The following TRIO variants were observed in gnomAD, a reference collection of about 807,000 sequenced individuals.
The protein encoded by TRIO is trio Rho guanine nucleotide exchange factor, also known as triple functional domain protein.
TRIO carries 58 observed loss-of-function variants against 351.9 expected under a neutral mutation model. The observed-to-expected ratio is 0.16, with a 90% CI of 0.13 to 0.21. TRIO has a LOEUF of 0.21. Among genes scored for constraint, TRIO ranks in the 10% least tolerant of loss-of-function variants. The pLI, the probability that TRIO is intolerant of heterozygous loss-of-function variation, is 1.00. For missense variants in TRIO, 3,201 were observed against 4,027.8 expected (o/e 0.79, Z 5.56); for synonymous variants, 1,758 against 1,595.7 (o/e 1.10, Z -2.42).
In TRIO at chr5:14,258,852, A is replaced by G. The variant is rs1188735723; in HGVS notation, c.158-11973A>G. On this transcript the variant is annotated intron_variant, in intron 1 of 56. Transcript: ENST00000344204. ...GCTTCTGTGGGAACTTTTTGTGATCACTGGATTAGCTGTGCCGTGTCATTT... is the reference window on the plus strand; with the variant it reads ...GCTTCTGTGGGAACTTTTTGTGATCGCTGGATTAGCTGTGCCGTGTCATTT... Among the ~76,000 whole-genome samples the G allele has an allele frequency of 3.9e-5, 6 of 152,162 alleles. No individual in the cohort carries two copies. The South Asian group carries it at 1.0e-3, about 26-fold the overall frequency.
chr5:14,218,700 G>C (rs906441168), intron 1 of TRIO, among the ~76,000 whole-genome samples: 1 of 152,240 alleles, frequency 6.6e-6, no homozygotes, highest in African/African-American at 2.4e-5. Flanking sequence ...GCCCAGTGGG[G>C]CAGGTGAGGG....
In TRIO at chr5:14,261,487, C is replaced by G. The variant is rs541725487; in HGVS notation, c.158-9338C>G. Among the ~76,000 whole-genome samples the G allele has an allele frequency of 9.2e-5, 14 of 152,330 alleles. No individual in the cohort carries two copies. In the South Asian group the frequency reaches 2.9e-3, roughly 32 times the overall value. ...CAGTGTGGGCTAACATTCAGAAGAACAAAGGCGGATGCTCAGCTTTGAGGT... is the reference window on the plus strand; with the variant it reads ...CAGTGTGGGCTAACATTCAGAAGAAGAAAGGCGGATGCTCAGCTTTGAGGT... On this transcript the variant is annotated intron_variant, in intron 1 of 56. Coordinates refer to ENST00000344204, the MANE Select transcript of TRIO (RefSeq NM_007118.4).
chr5:14,346,655 T>A (rs544282742), intron 11 of TRIO, among the ~76,000 whole-genome samples: 16 of 152,384 alleles, frequency 1.0e-4, no homozygotes, highest in African/African-American at 3.6e-4. Flanking sequence ...GTGTTAACTT[T>A]ATTTTGTTCT....
intron 27 of TRIO, among the ~76,000 whole-genome samples, chr5:14,392,921 A>G (rs256418): frequency 0.42 from 63,491 of 151,842 alleles, 15,195 homozygotes; most frequent in African/African-American, 0.65. Flanking sequence ...GGTGGCGGGC[A>G]CCTGTATCCC....
chr5:14,276,814 T>C (rs1424044333), intron 2 of TRIO, among the ~76,000 whole-genome samples: 2 of 152,244 alleles, frequency 1.3e-5, no homozygotes, highest in African/African-American at 4.8e-5. Flanking sequence ...ATCTAGCTGT[T>C]TCTGTGGTCA....
intron 9 of TRIO, among the ~76,000 whole-genome samples, chr5:14,323,844 G>A (rs55645493): frequency 0.056 from 8,499 of 152,244 alleles, 796 homozygotes; most frequent in African/African-American, 0.19. Context: ...TTACTTTGTA[G>A]GTAAATTTCA....
chr5:14,370,960 T>C (rs1007891653), intron 18 of TRIO, among the ~76,000 whole-genome samples: 1 of 152,194 alleles, frequency 6.6e-6, no homozygotes, highest in Non-Finnish European at 1.5e-5. Flanking sequence ...GTTACGATGG[T>C]TTGACTTGTG....
intron 7 of TRIO, among the ~76,000 whole-genome samples, chr5:14,299,914 A>G (rs1285004471): frequency 6.6e-6 from 1 of 152,180 alleles, no homozygotes; most frequent in African/African-American, 2.4e-5. Context: ...CTCTCTCTCC[A>G]TGGGTGGTGG....
chr5:14,358,231 C>T lies in TRIO; in HGVS notation c.2100C>T (p.Ala700=), dbSNP rs1378290501. The change falls in exon 12 of 57, where the codon GCC becomes GCT. Residue 700 remains alanine, a synonymous_variant. Coordinates refer to ENST00000344204, the MANE Select transcript of TRIO (RefSeq NM_007118.4). ...AGGAGCTGCTGGACGACGTGTATGC[C>T]GAGTCGGTGGAGGCCGTGCAGGACC... The part of the protein sequence containing the change: ...LQKELLDDVY[A]ESVEAVQDLI... 2.8e-5 allele frequency: 45 copies of T among 1,614,076 alleles called. No individual in the cohort carries two copies. In the Middle Eastern group the frequency reaches 5.0e-4, roughly 18 times the overall value.
In TRIO at chr5:14,509,928, G is replaced by A. The variant is rs925027271; in HGVS notation, c.*1506G>A. The A allele has an allele frequency of 6.6e-5, 10 of 152,256 alleles. No individual in the cohort carries two copies. Among genetic ancestry groups the A allele is most frequent in the African/African-American group, 1.9e-4 (8 of 41,438 alleles). 9.4% of individuals were successfully genotyped at this position (152,256 alleles called of 1,614,324 possible). On this transcript the variant is annotated 3_prime_UTR_variant, in exon 57 of 57. Transcript: ENST00000344204. ...GTAGTTAAGCTTTGCAGCTTCCAGT[G>A]TATTTTATTTATTCTTTTGTTGGGT...
intron 1 of TRIO, among the ~76,000 whole-genome samples, chr5:14,239,233 T>C (rs1480063995): frequency 1.3e-5 from 2 of 152,196 alleles, no homozygotes; most frequent in East Asian, 3.8e-4. Flanking sequence ...GTCTAAAAAT[T>C]ATTTCTATCC....
At chr5:14,198,869 T>A (rs911387503) in intron 1 of TRIO, among the ~76,000 whole-genome samples, 15 of 152,186 alleles carry the variant, frequency 9.9e-5, no homozygotes, top group African/African-American at 3.6e-4. Flanking sequence ...CTGACTCAAT[T>A]CCTTGTAGAT....
In TRIO at chr5:14,381,198, A is replaced by G. The variant is rs1746070797; in HGVS notation, c.3516A>G (p.Ile1172Met). The G allele has an allele frequency of 1.2e-6, 2 of 1,614,022 alleles. No homozygotes were observed. The highest frequency in any genetic ancestry group is 1.3e-5 in the African/African-American group (1 of 74,926). The change falls in exon 21 of 57, where the codon ATA (isoleucine) becomes ATG (methionine). Residue 1172 changes from isoleucine to methionine, a missense_variant. Ile to Met is a conservative substitution (Grantham distance 10). Coordinates refer to ENST00000344204, the MANE Select transcript of TRIO (RefSeq NM_007118.4). Reference sequence around the variant, plus strand: ...CACACACCTCCACGGGCTCCAGTATACAGCACACCCAGGAGCTCCTGAAAG... The same window carrying G: ...CACACACCTCCACGGGCTCCAGTATGCAGCACACCCAGGAGCTCCTGAAAG... The part of the protein sequence containing the change: ...LSTHTSTGSS[I>M]QHTQELLKEH...
At chr5:14,282,224 T>G (rs1179928292) in intron 3 of TRIO, among the ~76,000 whole-genome samples, 1 of 152,198 alleles carries the variant, frequency 6.6e-6, no homozygotes, top group Admixed American at 6.5e-5. Context: ...TAGAAGTTAT[T>G]TATACTCACT....
At chr5:14,235,621 T>G (rs1228430169) in intron 1 of TRIO, among the ~76,000 whole-genome samples, 1 of 152,112 alleles carries the variant, frequency 6.6e-6, no homozygotes, top group African/African-American at 2.4e-5. Flanking sequence ...AGAATTTTGG[T>G]TGTTCTGCTA....
At chr5:14,368,969 C>T (rs1744839082) in intron 17 of TRIO, 70 bp downstream of exon 17, 7 of 1,513,130 alleles carry the variant, frequency 4.6e-6, no homozygotes, top group Non-Finnish European at 5.4e-6. Context: ...TTGGACAGCT[C>T]AATCATTGTT....
rs139678599 is a variant in TRIO at position 14,176,599 on chromosome 5, G to T, written c.157+32717G>T. On this transcript the variant is annotated intron_variant, in intron 1 of 56. Transcript: ENST00000344204. ...CTCCCGAGTACCTGGGATTGCAGCC[G>T]TGTGCCACCACACCTGACTAATTTT... Among the ~76,000 whole-genome samples the T allele has an allele frequency of 3.3e-3, 500 of 152,224 alleles. 3 individuals carry two copies. The highest frequency in any genetic ancestry group is 5.9e-3 in the Non-Finnish European group (398 of 68,022).
intron 1 of TRIO, among the ~76,000 whole-genome samples, chr5:14,223,528 T>C (rs1045384814): frequency 3.9e-5 from 6 of 152,168 alleles, no homozygotes; most frequent in Non-Finnish European, 8.8e-5. Flanking sequence ...GCAACTAGCC[T>C]AGGTGACCCT....
chr5:14,159,406 T>C (rs962688391), intron 1 of TRIO, among the ~76,000 whole-genome samples: 1 of 152,050 alleles, frequency 6.6e-6, no homozygotes, highest in African/African-American at 2.4e-5. Flanking sequence ...GTGAAGAGCA[T>C]AGCTGAAAAA....
Sources: gnomAD v4.1 joint callset for allele counts (sites outside exome capture counted in the v4.1 genomes callset) on GRCh38, gnomAD v4.1.1 for gene constraint, MANE v1.5 for transcripts, NCBI Gene and HGNC (gene_info 2026-07-23, HGNC 2026-07-21) for gene names.